The following MEIS2 variants were observed in gnomAD, a reference collection of about 807,000 sequenced individuals.
MEIS2 encodes Meis homeobox 2.
MEIS2 carries 9 observed loss-of-function variants against 58.6 expected under a neutral mutation model. The ratio of observed to expected loss-of-function variants is 0.15; its 90% CI spans 0.09 to 0.27. The LOEUF (loss-of-function observed/expected upper bound fraction) is 0.27, where lower values mean the gene tolerates loss of function less well. Ranked by LOEUF, MEIS2 falls within the 10% of genes least tolerant of loss-of-function variation. MEIS2 has a pLI of 1.00. For synonymous variants in MEIS2, 221 were observed against 228.4 expected, an observed-to-expected ratio of 0.97 and a Z score of 0.29; for missense variants, 427 against 635.0, an observed-to-expected ratio of 0.67 and a Z score of 3.52.
intron 3 of MEIS2, 174 bp from the exon 4 acceptor site, chr15:37,095,788 C>CCCTG: frequency 2.3e-6 from 2 of 884,800 alleles, no homozygotes; most frequent in Non-Finnish European, 3.4e-6. Context: ...AGAATCAGGG[C>CCCTG]ATTCTGGTCC....
At chr15:36,916,114 C>CT (rs369543732) in intron 9 of MEIS2, among the ~76,000 whole-genome samples, 1,671 of 147,768 alleles carry the variant, frequency 0.011, 10 homozygotes, top group Non-Finnish European at 0.017. Context: ...TCTTCTTCTT[C>CT]TTTTTTTTTT....
At chr15:37,087,431 C>T (rs1893017070) in intron 6 of MEIS2, among the ~76,000 whole-genome samples, 1 of 152,124 alleles carries the variant, frequency 6.6e-6, no homozygotes, top group Non-Finnish European at 1.5e-5. Flanking sequence ...GCTACAGACT[C>T]ACAGCTGATA....
intron 7 of MEIS2, among the ~76,000 whole-genome samples, chr15:37,055,061 T>C (rs994213602): frequency 1.3e-5 from 2 of 152,184 alleles, no homozygotes; most frequent in Admixed American, 1.3e-4. Flanking sequence ...TGGAGCAATT[T>C]GCCCAAGGTC....
intron 8 of MEIS2, among the ~76,000 whole-genome samples, chr15:36,954,600 A>G (rs1488888351): frequency 6.6e-6 from 1 of 151,918 alleles, no homozygotes; most frequent in Non-Finnish European, 1.5e-5. Context: ...TTTCATGGAC[A>G]TTTTTTAAAG....
intron 9 of MEIS2, among the ~76,000 whole-genome samples, chr15:36,939,903 C>T (rs2058315331): frequency 6.6e-6 from 1 of 152,126 alleles, no homozygotes; most frequent in African/African-American, 2.4e-5. Context: ...GGTAAGCTTT[C>T]CTTCTGTGGC....
intron 8 of MEIS2, among the ~76,000 whole-genome samples, chr15:37,005,302 G>A (rs2060877285): frequency 6.6e-6 from 1 of 152,140 alleles, no homozygotes. Flanking sequence ...AGAGTAAGAT[G>A]ATAAAAAACG....
chr15:36,900,950 C>T (rs981821445), intron 9 of MEIS2: 2 of 152,206 alleles, frequency 1.3e-5, no homozygotes, highest in Admixed American at 1.3e-4. Flanking sequence ...TAACCAACTC[C>T]TTTTGGAGGC....
chr15:36,907,903 T>C (rs993550398), intron 9 of MEIS2, among the ~76,000 whole-genome samples: 4 of 144,072 alleles, frequency 2.8e-5, no homozygotes, highest in Non-Finnish European at 6.0e-5. Context: ...CAGTTTATAC[T>C]GGCATCTAGT....
At chr15:36,979,121 A>C (rs551765307) in intron 8 of MEIS2, among the ~76,000 whole-genome samples, 1 of 152,320 alleles carries the variant, frequency 6.6e-6, no homozygotes, top group Non-Finnish European at 1.5e-5. Flanking sequence ...GCTACAAATG[A>C]AAAATTCCAC....
intron 9 of MEIS2, chr15:36,901,115 G>C (rs141801311): frequency 6.6e-6 from 1 of 152,358 alleles, no homozygotes; most frequent in Non-Finnish European, 1.5e-5. Context: ...AGAGAGATCA[G>C]ATCAACTGGG....
At chr15:36,997,212 T>C (rs1266924148) in intron 8 of MEIS2, among the ~76,000 whole-genome samples, 1 of 152,190 alleles carries the variant, frequency 6.6e-6, no homozygotes, top group African/African-American at 2.4e-5. Flanking sequence ...AATCAGAGAA[T>C]CTGATTAAAG....
chr15:37,053,161 G>A (rs189341942), intron 7 of MEIS2, among the ~76,000 whole-genome samples: 10 of 152,310 alleles, frequency 6.6e-5, no homozygotes, highest in African/African-American at 2.4e-4. Flanking sequence ...CAGCCTATGA[G>A]AGAAGTAACA....
intron 8 of MEIS2, among the ~76,000 whole-genome samples, chr15:36,974,300 T>G (rs1256613620): frequency 6.6e-6 from 1 of 152,198 alleles, no homozygotes; most frequent in East Asian, 1.9e-4. Context: ...ATAGTTCGTT[T>G]ATTTTTTCTT....
chr15:36,912,052 A>G (rs202094621), intron 9 of MEIS2, among the ~76,000 whole-genome samples: 2 of 151,878 alleles, frequency 1.3e-5, no homozygotes, highest in Non-Finnish European at 2.9e-5. Context: ...TATAAGCCCT[A>G]GGGGGGATAA....
intron 5 of MEIS2, among the ~76,000 whole-genome samples, chr15:37,094,191 C>T (rs1321906282): frequency 6.6e-6 from 1 of 152,162 alleles, no homozygotes; most frequent in Non-Finnish European, 1.5e-5. Flanking sequence ...TCTGCCTGCA[C>T]CTAATGCAAA....
At chr15:36,992,081 C>T (rs989785738) in intron 8 of MEIS2, among the ~76,000 whole-genome samples, 1 of 151,934 alleles carries the variant, frequency 6.6e-6, no homozygotes, top group Non-Finnish European at 1.5e-5. Context: ...AGCCACCGCG[C>T]CCGGCCTAAA....
intron 8 of MEIS2, among the ~76,000 whole-genome samples, chr15:37,000,586 TA>T (rs1473978857): frequency 6.6e-6 from 1 of 152,112 alleles, no homozygotes; most frequent in Admixed American, 6.5e-5. Context: ...TTCGTATCGC[TA>T]ATTGTATTTA....
intron 7 of MEIS2, among the ~76,000 whole-genome samples, chr15:37,081,678 T>C (rs1034896757): frequency 1.3e-5 from 2 of 152,136 alleles, no homozygotes; most frequent in Non-Finnish European, 2.9e-5. Flanking sequence ...ATAGAAATCA[T>C]ACCTTTTTTT....
At chr15:36,995,724 A>AAAAAAC (rs1567158818) in intron 8 of MEIS2, among the ~76,000 whole-genome samples, 1 of 43,226 alleles carries the variant, frequency 2.3e-5, no homozygotes, top group Non-Finnish European at 5.2e-5. Context: ...AAAAAAAAAA[A>AAAAAAC]AAAAAAACAA....
Sources: allele counts gnomAD v4.1 joint callset (sites outside exome capture counted in the v4.1 genomes callset), GRCh38; gene constraint gnomAD v4.1.1; transcripts MANE v1.5; gene names NCBI Gene and HGNC (gene_info 2026-07-23, HGNC 2026-07-21).